STXBP5L: variants seen among roughly 807,000 people sequenced by gnomAD.
STXBP5L encodes the protein syntaxin binding protein 5L.
STXBP5L carries 65 observed loss-of-function variants against 144.5 expected under a neutral mutation model. That is an observed-to-expected ratio of 0.45 (90% confidence interval 0.37 to 0.55). The LOEUF (loss-of-function observed/expected upper bound fraction) is 0.55, where lower values mean the gene tolerates loss of function less well. Among genes scored for constraint, STXBP5L ranks in the 20% least tolerant of loss-of-function variants. The pLI is 0.00. For synonymous variants in STXBP5L, 505 were observed against 469.6 expected (o/e 1.08, Z -0.97); for missense variants, 1,298 against 1,405.5 (o/e 0.92, Z 1.22).
intron 19 of STXBP5L, among the ~76,000 whole-genome samples, chr3:121,314,718 T>G (rs1360374487): frequency 6.6e-6 from 1 of 151,304 alleles, no homozygotes; most frequent in African/African-American, 2.4e-5. Context: ...TGGGAGAAAA[T>G]TTTTGCAACC....
intron 18 of STXBP5L, among the ~76,000 whole-genome samples, chr3:121,273,214 C>T (rs181679889): frequency 1.3e-4 from 20 of 152,052 alleles, no homozygotes; most frequent in Admixed American, 7.9e-4. Flanking sequence ...TGATGAACTT[C>T]ATCATCACTT....
At chr3:121,384,856 C>A (rs902671017) in intron 22 of STXBP5L, among the ~76,000 whole-genome samples, 1 of 151,866 alleles carries the variant, frequency 6.6e-6, no homozygotes, top group Admixed American at 6.6e-5. Context: ...CTCATTTCCT[C>A]CCCTAGGAAT....
At chr3:121,040,367 A>G (rs924476636) in intron 3 of STXBP5L, among the ~76,000 whole-genome samples, 12 of 152,184 alleles carry the variant, frequency 7.9e-5, no homozygotes, top group African/African-American at 2.9e-4. Flanking sequence ...ATATTCTCTG[A>G]GTACTTTGTA....
intron 3 of STXBP5L, among the ~76,000 whole-genome samples, chr3:120,963,034 G>A (rs1399002629): frequency 6.6e-6 from 1 of 152,106 alleles, no homozygotes; most frequent in Non-Finnish European, 1.5e-5. Context: ...TCTCTTTGTA[G>A]CCGTTGTAAA....
At chr3:121,250,687 T>C in intron 14 of STXBP5L, 36 bp from the exon 15 acceptor site, 1 of 1,539,092 alleles carries the variant, frequency 6.5e-7, no homozygotes, top group Non-Finnish European at 8.9e-7. Context: ...TTTTATTTAG[T>C]ATACTTTAAT....
rs2041946196 is a variant in STXBP5L, at chr3:121,074,625, T to G, written c.470+29090T>G. ...CCTGGCAGCTTGAGAAATAATTTCT[T>G]ATACATTGCCTCATTTTCCCGCTGG... On this transcript the variant is annotated intron_variant, in intron 5 of 26. Coordinates refer to ENST00000471454, the MANE Select transcript of STXBP5L (RefSeq NM_001308330.2). Among the ~76,000 whole-genome samples, 3 of 152,274 alleles carry G rather than the reference T, an allele frequency of 2.0e-5. 1 individual carries two copies. The South Asian group carries it at 6.2e-4, about 32-fold the overall frequency.
At chr3:121,313,533 A>AC (rs1482175754) in intron 19 of STXBP5L, among the ~76,000 whole-genome samples, 9,148 of 11,286 alleles carry the variant, frequency 0.81, 3,607 homozygotes, top group Admixed American at 0.86. Flanking sequence ...GGAGCCCCTC[A>AC]CTCCCGGACG....
At chr3:121,062,737 G>T (rs544669842) in intron 5 of STXBP5L, among the ~76,000 whole-genome samples, 2 of 151,740 alleles carry the variant, frequency 1.3e-5, no homozygotes, top group Non-Finnish European at 2.9e-5. Context: ...TCTTGTCTTC[G>T]TGCTGTATTT....
intron 7 of STXBP5L, among the ~76,000 whole-genome samples, chr3:121,146,888 T>C (rs1444848604): frequency 6.6e-6 from 1 of 152,110 alleles, no homozygotes; most frequent in Non-Finnish European, 1.5e-5. Flanking sequence ...CTTATCTGAA[T>C]TGTGTTTTCA....
At chr3:121,072,110 C>T (rs1025610422) in intron 5 of STXBP5L, among the ~76,000 whole-genome samples, 1 of 152,234 alleles carries the variant, frequency 6.6e-6, no homozygotes, top group African/African-American at 2.4e-5. Context: ...GGGCCATTGT[C>T]TGTTCCTAAA....
At chr3:121,064,059 C>T (rs922653032) in intron 5 of STXBP5L, among the ~76,000 whole-genome samples, 2 of 152,168 alleles carry the variant, frequency 1.3e-5, no homozygotes, top group Non-Finnish European at 2.9e-5. Flanking sequence ...CTCCAGCTAG[C>T]TCGGTGTCTG....
chr3:121,053,394 A>G (rs1948184114), intron 5 of STXBP5L, among the ~76,000 whole-genome samples: 1 of 152,198 alleles, frequency 6.6e-6, no homozygotes, highest in Non-Finnish European at 1.5e-5. Flanking sequence ...CAAAACAGAG[A>G]TATAGATCAA....
intron 19 of STXBP5L, among the ~76,000 whole-genome samples, chr3:121,316,161 A>AACTATATAGTATTTATATATACT (rs2043781203): frequency 6.6e-6 from 1 of 152,210 alleles, no homozygotes; most frequent in Admixed American, 6.5e-5. Flanking sequence ...TGTTCTGAAT[A>AACTATATAGTATTTATATATACT]ACTATATAGT....
chr3:121,272,009 G>A (rs187292341), intron 18 of STXBP5L, among the ~76,000 whole-genome samples: 3 of 152,308 alleles, frequency 2.0e-5, no homozygotes, highest in Non-Finnish European at 4.4e-5. Flanking sequence ...AAAGGTACTT[G>A]ATATGATTTC....
At chr3:121,094,986 A>T (rs2043037375) in intron 5 of STXBP5L, among the ~76,000 whole-genome samples, 1 of 152,090 alleles carries the variant, frequency 6.6e-6, no homozygotes, top group Non-Finnish European at 1.5e-5. Context: ...AAAATCTCTC[A>T]GCATTTGCTT....
intron 9 of STXBP5L, among the ~76,000 whole-genome samples, chr3:121,179,009 T>C (rs780325820): frequency 6.6e-5 from 10 of 151,934 alleles, no homozygotes; most frequent in Non-Finnish European, 1.5e-4. Context: ...TGTGGGCACT[T>C]GGCATTACAG....
At position 121,110,800 on chromosome 3, in the gene STXBP5L, T is replaced by C. The variant is rs138532858; in HGVS notation, c.471-4125T>C. On this transcript the variant is annotated intron_variant, in intron 5 of 26. Coordinates refer to ENST00000471454, the MANE Select transcript of STXBP5L (RefSeq NM_001308330.2). ...TCTTGCTAGGTTAGGGAAGTTCTTG[T>C]GGATGATATCTTGAAGTACGTTTTC... 4.2e-3 allele frequency among the ~76,000 whole-genome samples: 645 copies of C among 152,324 alleles called. 5 individuals carry two copies. Among genetic ancestry groups the C allele is most frequent in the African/African-American group, 0.015 (615 of 41,590 alleles).
intron 4 of STXBP5L, among the ~76,000 whole-genome samples, chr3:121,044,707 A>G (rs1254109930): frequency 1.3e-5 from 2 of 152,166 alleles, no homozygotes; most frequent in Non-Finnish European, 2.9e-5. Flanking sequence ...TAGTTTAAGC[A>G]TATATACAAA....
intron 18 of STXBP5L, among the ~76,000 whole-genome samples, chr3:121,273,282 G>A (rs1024112476): frequency 1.8e-4 from 27 of 151,420 alleles, no homozygotes; most frequent in Admixed American, 1.1e-3. Context: ...TGCTAGATAC[G>A]GTATTGTTGG....
Sources: allele counts gnomAD v4.1 joint callset (sites outside exome capture counted in the v4.1 genomes callset), GRCh38; gene constraint gnomAD v4.1.1; transcripts MANE v1.5; gene names NCBI Gene and HGNC (gene_info 2026-07-23, HGNC 2026-07-21).